The following ZNF654 variants were observed in gnomAD, a reference collection of about 807,000 sequenced individuals.
The protein encoded by ZNF654 is zinc finger protein 654.
A neutral mutation model predicts 95.3 loss-of-function variants in ZNF654; 19 were observed. The observed-to-expected ratio is 0.20, with a 90% CI of 0.14 to 0.29. The LOEUF (loss-of-function observed/expected upper bound fraction) is 0.29. ZNF654 is among the 10% of genes least tolerant of loss of function. The probability of loss-of-function intolerance (pLI) is 1.00; values close to 1 mark genes in which losing one functional copy is unlikely to be tolerated. For missense variants in ZNF654, 1,046 were observed against 1,341.0 expected, an observed-to-expected ratio of 0.78 and a Z score of 3.44; for synonymous variants, 413 against 457.9, an observed-to-expected ratio of 0.90 and a Z score of 1.25.
Position 88,130,500 on chromosome 3 carries a change from A to G in ZNF654, c.893+674A>G, listed in dbSNP as rs1478834098. On this transcript the variant is annotated intron_variant, in intron 6 of 8. Coordinates refer to ENST00000636215, the MANE Select transcript of ZNF654 (RefSeq NM_001350134.2). ...AGGGTTTCACTGTGTCTCTCAGGCT[A>G]GAATACAGTGGTGCGATCATGGCTC... Among the ~76,000 whole-genome samples, 3 of 152,000 alleles carry G rather than the reference A, an allele frequency of 2.0e-5. No individual in the cohort carries two copies. In the East Asian group the frequency reaches 5.8e-4, roughly 29 times the overall value.
At chr3:88,090,435 G>A (rs1327752844) in intron 2 of ZNF654, among the ~76,000 whole-genome samples, 2 of 151,904 alleles carry the variant, frequency 1.3e-5, no homozygotes, top group African/African-American at 2.4e-5. Flanking sequence ...TAAAGAATAA[G>A]GATATAAAGA....
chr3:88,080,097 G>A (rs1272558685), intron 1 of ZNF654, among the ~76,000 whole-genome samples: 1 of 151,798 alleles, frequency 6.6e-6, no homozygotes, highest in Non-Finnish European at 1.5e-5. Context: ...GAATCTTCAG[G>A]TATCTGTTCA....
intron 2 of ZNF654, among the ~76,000 whole-genome samples, chr3:88,107,849 GTCA>G (rs1559715130): frequency 2.6e-5 from 4 of 151,952 alleles, no homozygotes; most frequent in African/African-American, 4.8e-5. Context: ...TATTTTCAAT[GTCA>G]TCATTTCTTA....
intron 2 of ZNF654, among the ~76,000 whole-genome samples, chr3:88,100,920 T>C (rs1399094778): frequency 6.6e-6 from 1 of 152,198 alleles, no homozygotes; most frequent in African/African-American, 2.4e-5. Context: ...GTAACAAACC[T>C]GCACGTTGTG....
At chr3:88,108,866 TCA>T (rs1487043397) in intron 2 of ZNF654, among the ~76,000 whole-genome samples, 3 of 152,060 alleles carry the variant, frequency 2.0e-5, no homozygotes, top group Non-Finnish European at 4.4e-5. Flanking sequence ...TGCTAAAATC[TCA>T]CAGTGAGAAC....
chr3:88,119,421 T>C (rs1164438829), intron 3 of ZNF654, among the ~76,000 whole-genome samples: 2 of 129,890 alleles, frequency 1.5e-5, no homozygotes, highest in Non-Finnish European at 3.2e-5. Flanking sequence ...AGGGATAGCA[T>C]TGGGAGATAT....
At chr3:88,060,489 T>A (rs1335821369) in intron 1 of ZNF654, among the ~76,000 whole-genome samples, 1 of 152,176 alleles carries the variant, frequency 6.6e-6, no homozygotes, top group African/African-American at 2.4e-5. Flanking sequence ...GGGAAAAAAA[T>A]TAACTGCTCC....
In ZNF654 at chr3:88,103,082, G is replaced by T. The variant is rs186262387; in HGVS notation, c.333-10033G>T. Among the ~76,000 whole-genome samples the T allele has an allele frequency of 2.2e-3, 329 of 151,990 alleles. 2 individuals are homozygous for T. The highest frequency in any genetic ancestry group is 0.018 in the South Asian group (86 of 4,818). ...TATAAGTGAGCACATGTGTTATTTGGTTTTCTGTTCATGCGTTAATTCACT... is the reference window on the plus strand; with the variant it reads ...TATAAGTGAGCACATGTGTTATTTGTTTTTCTGTTCATGCGTTAATTCACT... On this transcript the variant is annotated intron_variant, in intron 2 of 8. Coordinates refer to ENST00000636215, the MANE Select transcript of ZNF654 (RefSeq NM_001350134.2).
chr3:88,123,148 A>C (rs897664612), intron 3 of ZNF654, among the ~76,000 whole-genome samples: 2 of 152,166 alleles, frequency 1.3e-5, no homozygotes. Flanking sequence ...AATATCATCC[A>C]AAAAAGCCAC....
chr3:88,110,290 A>C (rs1705009493), intron 2 of ZNF654, among the ~76,000 whole-genome samples: 1 of 152,152 alleles, frequency 6.6e-6, no homozygotes, highest in Admixed American at 6.6e-5. Context: ...ATGGGTCTGT[A>C]AAGGACCAGA....
chr3:88,095,810 T>C (rs771275582), intron 2 of ZNF654: 4 of 446,802 alleles, frequency 9.0e-6, no homozygotes, highest in Non-Finnish European at 1.7e-5. Flanking sequence ...AATCCAAGTT[T>C]TTCTCAGATT....
chr3:88,107,568 A>G (rs931635486), intron 2 of ZNF654, among the ~76,000 whole-genome samples: 6 of 152,142 alleles, frequency 3.9e-5, no homozygotes, highest in Non-Finnish European at 8.8e-5. Flanking sequence ...TCGTCCAGTT[A>G]ATGTCTTTGC....
intron 2 of ZNF654, among the ~76,000 whole-genome samples, chr3:88,097,767 A>G (rs1488287060): frequency 6.6e-6 from 1 of 152,238 alleles, no homozygotes; most frequent in East Asian, 1.9e-4. Flanking sequence ...AGAAATAAAG[A>G]TGTTCTTTGA....
chr3:88,119,557 A>G (rs1003988973), intron 3 of ZNF654, among the ~76,000 whole-genome samples: 6 of 152,068 alleles, frequency 3.9e-5, no homozygotes, highest in South Asian at 2.1e-4. Context: ...ATTAAAAAAA[A>G]AAAAACAATA....
At chr3:88,067,601 A>G (rs1426135999) in intron 1 of ZNF654, among the ~76,000 whole-genome samples, 2 of 152,134 alleles carry the variant, frequency 1.3e-5, no homozygotes, top group East Asian at 3.9e-4. Context: ...AACCCAGAGA[A>G]CTGTGGTGTC....
At chr3:88,098,480 A>G (rs2107706120) in intron 2 of ZNF654, among the ~76,000 whole-genome samples, 1 of 152,338 alleles carries the variant, frequency 6.6e-6, no homozygotes, top group African/African-American at 2.4e-5. Flanking sequence ...AACTCTTTTT[A>G]TGAGGCCAGC....
intron 1 of ZNF654, among the ~76,000 whole-genome samples, chr3:88,062,318 A>T (rs765282968): frequency 6.6e-6 from 1 of 152,208 alleles, no homozygotes; most frequent in Non-Finnish European, 1.5e-5. Context: ...ACATGCTGGG[A>T]TTTGAACTCA....
In ZNF654 at chr3:88,128,800, T is replaced by A; in HGVS notation, c.551-9T>A. ...GAGAGTAATAGAGTCTGTTTTCTTT[T>A]TAATATAGTGAACAAATATTTAAGT... is the stretch of plus-strand genomic sequence containing the variant. On this transcript the variant is annotated splice_polypyrimidine_tract_variant and intron_variant, in intron 4 of 8. Transcript: ENST00000636215. 6.6e-7 allele frequency: 1 copy of A among 1,525,146 alleles called. No homozygotes were observed. Among genetic ancestry groups the A allele is most frequent in the Non-Finnish European group, 8.8e-7 (1 of 1,138,972 alleles). The allele number at this position is 1,525,146 out of a possible 1,614,324, so 94.5% of individuals were successfully genotyped here. A position where few individuals can be genotyped will look rare whatever the true frequency, so the allele number is the denominator to read the frequency against.
At position 88,116,529 on chromosome 3, in the gene ZNF654, G is replaced by GA. The variant is rs199711763; in HGVS notation, c.414+3342dup. Reference sequence around the variant, plus strand: ...ACAAGAGCGAAACTCTGTCTCAAAAGAAAAAAAAATACATACATACATACA... The same window carrying GA: ...ACAAGAGCGAAACTCTGTCTCAAAAGAAAAAAAAAATACATACATACATACA... On this transcript the variant is annotated intron_variant, in intron 3 of 8. Coordinates refer to ENST00000636215, the MANE Select transcript of ZNF654 (RefSeq NM_001350134.2). Among the ~76,000 whole-genome samples the GA allele has an allele frequency of 1.1e-3, 146 of 133,476 alleles. 1 individual carries two copies. The highest frequency in any genetic ancestry group is 3.7e-3 in the African/African-American group (133 of 35,920). The allele number at this position is 133,476 out of a possible 152,430, so 87.6% of individuals were successfully genotyped here. A position where few individuals can be genotyped will look rare whatever the true frequency, so the allele number is the denominator to read the frequency against.
Sources: gnomAD v4.1 joint callset for allele counts (sites outside exome capture counted in the v4.1 genomes callset) on GRCh38, gnomAD v4.1.1 for gene constraint, MANE v1.5 for transcripts, NCBI Gene and HGNC (gene_info 2026-07-23, HGNC 2026-07-21) for gene names.